Variants in PAMR1 observed in about 807,000 individuals in gnomAD.
PAMR1 encodes inactive serine protease PAMR1.
A neutral mutation model predicts 81.8 loss-of-function variants in PAMR1; 88 were observed. That is an observed-to-expected ratio of 1.08 (90% CI 0.91 to 1.28). The LOEUF is 1.28. Ranked by LOEUF, PAMR1 falls within the 50% of genes most tolerant of loss-of-function variation. The pLI, the probability that PAMR1 is intolerant of heterozygous loss-of-function variation, is 0.00. For synonymous variants in PAMR1, 336 were observed against 345.3 expected (o/e 0.97, Z 0.30); for missense variants, 935 against 919.7 (o/e 1.02, Z -0.21).
chr11:35,459,729 C>T (rs1246452634), intron 6 of PAMR1, among the ~76,000 whole-genome samples: 1 of 152,010 alleles, frequency 6.6e-6, no homozygotes, highest in Non-Finnish European at 1.5e-5. Context: ...TACCAAAAGC[C>T]TTGCTAGAAG....
chr11:35,450,096 G>A (rs1856380068), intron 6 of PAMR1, among the ~76,000 whole-genome samples: 1 of 112,366 alleles, frequency 8.9e-6, no homozygotes, highest in Non-Finnish European at 1.6e-5. Flanking sequence ...TGTCCCAATT[G>A]CCTTCCAAGA....
At chr11:35,438,373 A>G (rs912194992) in intron 8 of PAMR1, among the ~76,000 whole-genome samples, 2 of 152,266 alleles carry the variant, frequency 1.3e-5, no homozygotes, top group African/African-American at 4.8e-5. Context: ...GACACAGAGC[A>G]AACATGCAAT....
intron 6 of PAMR1, among the ~76,000 whole-genome samples, chr11:35,466,676 G>A (rs575702479): frequency 1.8e-3 from 248 of 137,366 alleles, no homozygotes; most frequent in African/African-American, 6.8e-3. Flanking sequence ...GCAGTGAGCC[G>A]AGATCGCGCC....
intron 6 of PAMR1, among the ~76,000 whole-genome samples, chr11:35,455,456 A>G (rs546168566): frequency 1.3e-5 from 2 of 152,338 alleles, no homozygotes; most frequent in South Asian, 4.1e-4. Flanking sequence ...TCTTTCATTT[A>G]TTGCTATCCA....
chr11:35,503,443 T>C (rs1850892508), intron 1 of PAMR1, among the ~76,000 whole-genome samples: 1 of 152,074 alleles, frequency 6.6e-6, no homozygotes. Context: ...TAGTATTGCT[T>C]TGAGTATAAA....
At chr11:35,456,952 A>G (rs994465972) in intron 6 of PAMR1, among the ~76,000 whole-genome samples, 1 of 152,194 alleles carries the variant, frequency 6.6e-6, no homozygotes, top group Non-Finnish European at 1.5e-5. Flanking sequence ...CAGATGATTC[A>G]TATTTTGAGT....
At chr11:35,446,140 C>G (rs556145791) in intron 6 of PAMR1, among the ~76,000 whole-genome samples, 3 of 152,270 alleles carry the variant, frequency 2.0e-5, no homozygotes, top group African/African-American at 7.2e-5. Context: ...ATAGCATTCT[C>G]TGATAATTGT....
intron 6 of PAMR1, among the ~76,000 whole-genome samples, chr11:35,467,519 T>C (rs569391370): frequency 3.0e-4 from 46 of 152,344 alleles, no homozygotes; most frequent in Admixed American, 2.8e-3. Context: ...CAAGACACTT[T>C]GCTCACGAAA....
At chr11:35,478,770 G>A (rs1359047371) in intron 3 of PAMR1, among the ~76,000 whole-genome samples, 1 of 152,210 alleles carries the variant, frequency 6.6e-6, no homozygotes, top group Admixed American at 6.5e-5. Context: ...CAAAGAGCCT[G>A]GAAGATGTGC....
intron 5 of PAMR1, among the ~76,000 whole-genome samples, chr11:35,468,989 A>G (rs987565790): frequency 2.6e-5 from 4 of 152,224 alleles, no homozygotes; most frequent in African/African-American, 9.7e-5. Context: ...TACCAGATTA[A>G]AACTACTTGA....
rs149548744 is a variant in PAMR1 at position 35,470,710 on chromosome 11, G to T, written c.603C>A (p.Asn201Lys). ...TGCTCTGGATAGGAGCTGGCCGCTC[G>T]TTGCCACAGACACGCTTGATGATCT... ...DGQIIKRVCG[N>K]ERPAPIQSIG... Residue 201 changes from asparagine (N) to lysine (K), a missense_variant, in exon 5 of 11, where the codon AAC becomes AAA. Physicochemically the swap from Asn to Lys is moderately conservative, Grantham distance 94. Coordinates refer to ENST00000619888, the MANE Select transcript of PAMR1 (RefSeq NM_001001991.3). 3.1e-6 allele frequency: 5 copies of T among 1,614,074 alleles called. No homozygotes were observed. The highest frequency in any genetic ancestry group is 4.2e-6 in the Non-Finnish European group (5 of 1,179,950).
intron 1 of PAMR1, among the ~76,000 whole-genome samples, chr11:35,498,406 A>G (rs1301808364): frequency 6.6e-6 from 1 of 152,102 alleles, no homozygotes; most frequent in Non-Finnish European, 1.5e-5. Flanking sequence ...ATGAGTGTAC[A>G]TTTTCTCCAA....
intron 1 of PAMR1, among the ~76,000 whole-genome samples, chr11:35,507,046 T>A (rs868481618): frequency 1.5e-5 from 2 of 129,682 alleles, no homozygotes; most frequent in African/African-American, 3.0e-5. Flanking sequence ...TGACTTTTTT[T>A]TTTTTTTTTT....
At chr11:35,522,863 T>TA (rs1851308048) in intron 1 of PAMR1, among the ~76,000 whole-genome samples, 1 of 152,228 alleles carries the variant, frequency 6.6e-6, no homozygotes, top group African/African-American at 2.4e-5. Flanking sequence ...GTCTGAGAAT[T>TA]AATGCATATG....
At chr11:35,518,098 C>T (rs892907605) in intron 1 of PAMR1, among the ~76,000 whole-genome samples, 1 of 152,168 alleles carries the variant, frequency 6.6e-6, no homozygotes, top group Non-Finnish European at 1.5e-5. Flanking sequence ...GCATTGGCCA[C>T]AGGACCAGGC....
chr11:35,483,453 G>A (rs1324068146), intron 3 of PAMR1, among the ~76,000 whole-genome samples: 1 of 152,088 alleles, frequency 6.6e-6, no homozygotes, highest in African/African-American at 2.4e-5. Context: ...ATACTTGGTG[G>A]AGAGGATTGT....
rs147004843 is a variant in PAMR1, at chr11:35,502,569, G to T, written c.74-8297C>A. Among the ~76,000 whole-genome samples, 4 of 152,224 alleles carry T rather than the reference G, an allele frequency of 2.6e-5. No homozygotes were observed. In the East Asian group the frequency reaches 7.7e-4, roughly 29 times the overall value. ...GATAATGGCTTCTGGCTTCATCCAT[G>T]TCCCTGCAAAGGACATGATCTCGTT... is the stretch of plus-strand genomic sequence containing the variant. On this transcript the variant is annotated intron_variant, in intron 1 of 10. Coordinates refer to ENST00000619888, the MANE Select transcript of PAMR1 (RefSeq NM_001001991.3).
chr11:35,514,173 GA>G (rs1468968022), intron 1 of PAMR1, among the ~76,000 whole-genome samples: 3 of 152,208 alleles, frequency 2.0e-5, no homozygotes, highest in African/African-American at 7.2e-5. Flanking sequence ...ACAGGGATGA[GA>G]TTGTTGATGT....
At chr11:35,508,446 CT>C (rs1239193894) in intron 1 of PAMR1, among the ~76,000 whole-genome samples, 3 of 149,044 alleles carry the variant, frequency 2.0e-5, no homozygotes, top group African/African-American at 7.4e-5. Flanking sequence ...TATATATTTA[CT>C]TTTGGTTTTG....
Sources: gnomAD v4.1 joint callset for allele counts (sites outside exome capture counted in the v4.1 genomes callset) on GRCh38, gnomAD v4.1.1 for gene constraint, MANE v1.5 for transcripts, NCBI Gene and HGNC (gene_info 2026-07-23, HGNC 2026-07-21) for gene names.